ZNF462: variants seen among roughly 807,000 people sequenced by gnomAD.
ZNF462 encodes zinc finger PBX1-interacting protein.
ZNF462 carries 10 observed loss-of-function variants against 201.9 expected under a neutral mutation model. The observed-to-expected ratio is 0.05, with a 90% CI of 0.03 to 0.08. ZNF462 has a LOEUF of 0.08. Ranked by LOEUF, ZNF462 falls within the 10% of genes least tolerant of loss-of-function variation. The pLI is 1.00. For missense variants in ZNF462, 2,523 were observed against 3,168.3 expected, an observed-to-expected ratio of 0.80 and a Z score of 4.89; for synonymous variants, 1,227 against 1,193.3, an observed-to-expected ratio of 1.03 and a Z score of -0.58.
chr9:106,860,162 C>T (rs560612234), upstream of ZNF462, among the ~76,000 whole-genome samples: 1 of 152,246 alleles, frequency 6.6e-6, no homozygotes, highest in Non-Finnish European at 1.5e-5. The surrounding 1 kb of genome is among the most constrained non-coding windows in gnomAD (Gnocchi z 7.1). Flanking sequence ...GAGGGTGGAG[C>T]CAAGTCCCCC....
intron 10 of ZNF462, among the ~76,000 whole-genome samples, chr9:106,988,296 A>G (rs1157396619): frequency 6.6e-6 from 1 of 152,028 alleles, no homozygotes; most frequent in Non-Finnish European, 1.5e-5. Flanking sequence ...AAAAGCGGAA[A>G]CCCCTGGTAA....
At chr9:106,982,744 T>A (rs1827539065) in intron 9 of ZNF462, among the ~76,000 whole-genome samples, 1 of 152,178 alleles carries the variant, frequency 6.6e-6, no homozygotes, top group African/African-American at 2.4e-5. Context: ...TGCGGGCCGA[T>A]TAATCGCTGC....
At position 106,927,417 on chromosome 9, in the gene ZNF462, C is replaced by T; in HGVS notation, c.3505C>T (p.Pro1169Ser). 6.2e-7 allele frequency: 1 copy of T among 1,613,894 alleles called. No individual in the cohort carries two copies. ...GVEGPQGSPR[P>S]PAPIQQLNRS... ...CGAAGGGCCCCAAGGCTCCCCCCGGCCACCCGCCCCCATACAACAGCTGAA... is the reference window on the plus strand; with the variant it reads ...CGAAGGGCCCCAAGGCTCCCCCCGGTCACCCGCCCCCATACAACAGCTGAA... The change falls in exon 3 of 13, where the codon CCA becomes TCA. Residue 1169 changes from proline (P) to serine (S), a missense_variant. Physicochemically the swap from Pro to Ser is moderately conservative, Grantham distance 74 (BLOSUM62 -1). Around this residue, in one of 15 missense-constraint regions of ZNF462, gnomAD observed 222 missense variants for 271.6 expected, o/e 0.82. Transcript: ENST00000277225.
At chr9:106,958,827 A>G (rs960971579) in intron 7 of ZNF462, among the ~76,000 whole-genome samples, 4 of 152,120 alleles carry the variant, frequency 2.6e-5, no homozygotes, top group African/African-American at 9.7e-5. Context: ...GAAGGGTAGA[A>G]AGGATGGGAG....
At position 107,010,380 on chromosome 9, in the gene ZNF462, A is replaced by G. The variant is rs1449783439; in HGVS notation, c.7314-443A>G. 2.0e-5 allele frequency among the ~76,000 whole-genome samples: 3 copies of G among 152,034 alleles called. No homozygotes were observed. Among genetic ancestry groups the G allele is most frequent in the Non-Finnish European group, 4.4e-5 (3 of 67,982 alleles). ...GTTTGTTTTCGTGATTTGTTTCGGG[A>G]CCTGACAAATAAATCTTTAGTACCT... On this transcript the variant is annotated intron_variant, in intron 12 of 12. Coordinates refer to ENST00000277225, the MANE Select transcript of ZNF462 (RefSeq NM_021224.6). The surrounding 1 kb of genome is among the most constrained non-coding windows in gnomAD (Gnocchi z 4.6).
At chr9:106,874,479 T>G (rs1350783179) in intron 1 of ZNF462, among the ~76,000 whole-genome samples, 1 of 152,198 alleles carries the variant, frequency 6.6e-6, no homozygotes, top group African/African-American at 2.4e-5. Flanking sequence ...ACATTCAATT[T>G]GAGGGGCTCC....
At chr9:106,992,415 C>T (rs991264268) in intron 10 of ZNF462, among the ~76,000 whole-genome samples, 1 of 152,078 alleles carries the variant, frequency 6.6e-6, no homozygotes, top group Non-Finnish European at 1.5e-5. Flanking sequence ...AATACCATAG[C>T]CACTTCGGAG....
rs773917122 is a variant in ZNF462 at position 106,864,039 on chromosome 9, GCTCTCTCTCTCTCT to G, written c.-31+742_-31+755del. On this transcript the variant is annotated intron_variant, in intron 1 of 12. Coordinates refer to ENST00000277225, the MANE Select transcript of ZNF462 (RefSeq NM_021224.6). The stretch of plus-strand genomic sequence containing the variant: ...AGCCCCCCTCTTCCTCAGGTATTTG[GCTCTCTCTCTCTCT>G]CTCTCTCTCTCTCTCTCTCTCTCTC... Among the ~76,000 whole-genome samples the G allele has an allele frequency of 5.3e-3, 121 of 22,744 alleles. 2 individuals carry two copies. Among genetic ancestry groups the G allele is most frequent in the Middle Eastern group, 0.026 (1 of 38 alleles). The allele number at this position is 22,744 out of a possible 152,430, so 14.9% of individuals were successfully genotyped here.
chr9:106,990,237 C>A (rs758826872), intron 10 of ZNF462, among the ~76,000 whole-genome samples: 3 of 151,950 alleles, frequency 2.0e-5, no homozygotes, highest in Non-Finnish European at 4.4e-5. Flanking sequence ...TTTGAAGATT[C>A]CTTTTTAGAG....
At chr9:106,988,357 A>G (rs1828007942) in intron 10 of ZNF462, among the ~76,000 whole-genome samples, 1 of 152,108 alleles carries the variant, frequency 6.6e-6, no homozygotes, top group Non-Finnish European at 1.5e-5. Flanking sequence ...TATGGGGGAA[A>G]CTGCCCACGT....
chr9:106,925,541 G>C lies in ZNF462; in HGVS notation c.1629G>C (p.Pro543=), dbSNP rs566923526. The C allele has an allele frequency of 6.2e-7, 1 of 1,612,894 alleles. No homozygotes were observed. The highest frequency in any genetic ancestry group is 8.5e-7 in the Non-Finnish European group (1 of 1,179,650). Residue 543 remains proline (P), a synonymous_variant, in exon 3 of 13, where the codon CCG becomes CCC. Transcript: ENST00000277225. The surrounding 1 kb of genome is among the most constrained non-coding windows in gnomAD (Gnocchi z 7.9). The part of the protein sequence containing the change: ...MLDPLQQQQP[P]QPPPPPPPPP... The stretch of plus-strand genomic sequence containing the variant: ...ATCCCTTGCAGCAGCAACAGCCACC[G>C]CAGCCACCACCACCGCCGCCGCCAC...
In ZNF462 at chr9:106,924,499, C is replaced by T. The variant is rs370249991; in HGVS notation, c.587C>T (p.Pro196Leu). The part of the protein sequence containing the change: ...KNNLKETTAP[P>L]PAPAPMPDPV... ...AATTTGAAGGAGACCACTGCTCCCC[C>T]ACCTGCTCCTGCTCCAATGCCAGAC... The change falls in exon 3 of 13, where the codon CCA (proline) becomes CTA (leucine). Residue 196 changes from proline (P) to leucine (L), a missense_variant. By Grantham distance (98) the Pro-to-Leu change is moderately conservative. Coordinates refer to ENST00000277225, the MANE Select transcript of ZNF462 (RefSeq NM_021224.6). The surrounding 1 kb of genome is among the most constrained non-coding windows in gnomAD (Gnocchi z 6.2). 2 of 1,614,042 alleles carry T rather than the reference C, an allele frequency of 1.2e-6. No homozygotes were observed. The highest frequency in any genetic ancestry group is 2.2e-5 in the East Asian group (1 of 44,890).
At position 106,958,462 on chromosome 9, in the gene ZNF462, CTT is replaced by C. The variant is rs1386331397; in HGVS notation, c.6428-13541_6428-13540del. On this transcript the variant is annotated intron_variant, in intron 7 of 12. Coordinates refer to ENST00000277225, the MANE Select transcript of ZNF462 (RefSeq NM_021224.6). ...TTTAAAAGGGTCCTACTATCTCACA[CTT>C]TAGCCCTTGCTATTCCTTCTTCCTG... Among the ~76,000 whole-genome samples, 9 of 152,268 alleles carry C rather than the reference CTT, an allele frequency of 5.9e-5. No homozygotes were observed. In the South Asian group the frequency reaches 1.9e-3, roughly 32 times the overall value.
At chr9:106,999,360 C>T (rs978046474) in intron 10 of ZNF462, among the ~76,000 whole-genome samples, 2 of 152,136 alleles carry the variant, frequency 1.3e-5, no homozygotes, top group African/African-American at 2.4e-5. Flanking sequence ...GACTTTGACC[C>T]TGTAATTTCA....
At chr9:106,967,038 A>G (rs1314617025) in intron 7 of ZNF462, among the ~76,000 whole-genome samples, 1 of 151,970 alleles carries the variant, frequency 6.6e-6, no homozygotes, top group Non-Finnish European at 1.5e-5. Context: ...GGCTCCTACA[A>G]TTTGCTGCCC....
At chr9:106,894,634 C>T (rs1828734272) in intron 1 of ZNF462, among the ~76,000 whole-genome samples, 1 of 152,176 alleles carries the variant, frequency 6.6e-6, no homozygotes, top group Non-Finnish European at 1.5e-5. Context: ...TCAAAGGAAT[C>T]CTTCAAGGTT....
chr9:106,902,610 G>C lies in ZNF462; in HGVS notation c.-30-20744G>C, dbSNP rs764844357. Among the ~76,000 whole-genome samples the C allele has an allele frequency of 2.4e-4, 37 of 152,074 alleles. No homozygotes were observed. The highest frequency in any genetic ancestry group is 4.1e-4 in the Non-Finnish European group (28 of 67,964). ...CATTTCAATCTCACTGCTTGTTATTGGTCTGTTCAGGGTACCTAATTCTTC... is the reference window on the plus strand; with the variant it reads ...CATTTCAATCTCACTGCTTGTTATTCGTCTGTTCAGGGTACCTAATTCTTC... On this transcript the variant is annotated intron_variant, in intron 1 of 12. Coordinates refer to ENST00000277225, the MANE Select transcript of ZNF462 (RefSeq NM_021224.6). This position sits in a 1 kb window ranked among gnomAD's most constrained non-coding sequence, Gnocchi z 4.2.
intron 7 of ZNF462, among the ~76,000 whole-genome samples, chr9:106,957,277 G>A (rs959721206): frequency 1.3e-5 from 2 of 152,098 alleles, no homozygotes; most frequent in East Asian, 3.9e-4. Context: ...GGAGAGGGAA[G>A]CAGATGGGGG....
At chr9:106,906,371 T>C (rs1015271220) in intron 1 of ZNF462, among the ~76,000 whole-genome samples, 2 of 152,196 alleles carry the variant, frequency 1.3e-5, no homozygotes, top group Non-Finnish European at 2.9e-5. Flanking sequence ...CGCATGCTGC[T>C]CTGCCTGGAG....
Sources: gnomAD v4.1 joint callset for allele counts (sites outside exome capture counted in the v4.1 genomes callset) on GRCh38, gnomAD v4.1.1 for gene constraint, gnomAD v4.1.1 regional missense constraint, Gnocchi (gnomAD v3.1) non-coding constraint, MANE v1.5 for transcripts, NCBI Gene and HGNC (gene_info 2026-07-23, HGNC 2026-07-21) for gene names.